Variants in CRNKL1 observed in about 807,000 individuals in gnomAD.
CRNKL1 encodes crooked neck pre-mRNA splicing factor 1, also known as crooked neck-like protein 1.
In CRNKL1, 35 loss-of-function variants were observed where a neutral mutation model predicts 103.7. The observed-to-expected ratio is 0.34, with a 90% CI of 0.26 to 0.45. The LOEUF is 0.45. Among genes scored for constraint, CRNKL1 ranks in the 20% least tolerant of loss-of-function variants. CRNKL1 has a pLI of 1.00. For synonymous variants in CRNKL1, 267 were observed against 282.6 expected (o/e 0.94, Z 0.55); for missense variants, 645 against 836.0 (o/e 0.77, Z 2.82).
chr20:20,054,414 T>TATAC (rs1555826447), upstream of CRNKL1, among the ~76,000 whole-genome samples: 5 of 151,478 alleles, frequency 3.3e-5, no homozygotes, highest in South Asian at 4.2e-4. Context: ...TATATATATA[T>TATAC]ACACACACAC....
rs2043781232 is a variant in CRNKL1, at chr20:20,052,295, G to C, written c.48C>G (p.Ala16=). 6.2e-7 allele frequency: 1 copy of C among 1,609,528 alleles called. No individual in the cohort carries two copies. The highest frequency in any genetic ancestry group is 2.2e-5 in the East Asian group (1 of 44,840). The part of the protein sequence containing the change: ...AAGKQRIPKV[A]KVKNKAPAEV... ...AAGGCCCCTCGCGATCGCCTACCTTGGCCACTTTGGGAATCCGCTGCTTCC... is the reference window on the plus strand; with the variant it reads ...AAGGCCCCTCGCGATCGCCTACCTTCGCCACTTTGGGAATCCGCTGCTTCC... The change falls in exon 1 of 14, where the codon GCC becomes GCG. Residue 16 remains alanine, a synonymous_variant. Transcript: ENST00000536226.
chr20:20,040,552 A>G, intron 10 of CRNKL1, 134 bp downstream of exon 10: 1 of 690,370 alleles, frequency 1.4e-6, no homozygotes, highest in Non-Finnish European at 2.5e-6. Flanking sequence ...CATGTTTTCT[A>G]ACATGTCCCA....
chr20:20,049,962 C>A (rs1432820454), intron 2 of CRNKL1, among the ~76,000 whole-genome samples: 1 of 152,112 alleles, frequency 6.6e-6, no homozygotes, highest in Non-Finnish European at 1.5e-5. Flanking sequence ...GGATTACAGG[C>A]ACCTGCCACC....
Position 20,034,887 on chromosome 20 carries a change from A to C in CRNKL1, c.*1308T>G, listed in dbSNP as rs558607057. On this transcript the variant is annotated 3_prime_UTR_variant, in exon 14 of 14. Transcript: ENST00000536226. ...AATAAGATGTGCACATTTAATAATA[A>C]ATTTGCTTACTAAAGGTCCTTTTAG... The C allele has an allele frequency of 3.9e-5, 6 of 152,340 alleles. No homozygotes were observed. The East Asian group carries it at 1.2e-3, about 29-fold the overall frequency. The allele number at this position is 152,340 out of a possible 1,614,324, so 9.4% of individuals were successfully genotyped here.
chr20:20,051,281 C>A (rs997598045), intron 1 of CRNKL1, among the ~76,000 whole-genome samples: 1 of 151,742 alleles, frequency 6.6e-6, no homozygotes, highest in Admixed American at 6.6e-5. Flanking sequence ...TTTTTTATAC[C>A]GATTACATGT....
At chr20:20,055,247 T>A (rs778616858), upstream of CRNKL1, among the ~76,000 whole-genome samples, 4 of 152,210 alleles carry the variant, frequency 2.6e-5, no homozygotes, top group Non-Finnish European at 5.9e-5. Context: ...TTTCAGAGTC[T>A]ATCATCTAAA....
chr20:20,050,436 A>T, intron 2 of CRNKL1, 34 bp downstream of exon 2: 3 of 1,597,064 alleles, frequency 1.9e-6, no homozygotes, highest in Non-Finnish European at 2.6e-6. Context: ...CAGTCTTAAC[A>T]ATTAGTGGAC....
chr20:20,041,062 C>G lies in CRNKL1; in HGVS notation c.1225-296G>C, dbSNP rs115896473. On this transcript the variant is annotated intron_variant, in intron 9 of 13. Coordinates refer to ENST00000536226, the MANE Select transcript of CRNKL1 (RefSeq NM_001278628.2). ...ATGGCACGGTAGCCTCTGCTCAGAA[C>G]AGACTTTGTTTTGTAGGCATGCTTG... is the stretch of plus-strand genomic sequence containing the variant. Among the ~76,000 whole-genome samples, 145 of 152,342 alleles carry G rather than the reference C, an allele frequency of 9.5e-4. 1 individual carries two copies. The highest frequency in any genetic ancestry group is 3.3e-3 in the African/African-American group (137 of 41,586).
chr20:20,052,022 G>C (rs1165041755), intron 1 of CRNKL1, among the ~76,000 whole-genome samples: 1 of 152,018 alleles, frequency 6.6e-6, no homozygotes, highest in Non-Finnish European at 1.5e-5. Context: ...GCTTCCCAGC[G>C]CCCAGTGCAG....
At position 20,036,250 on chromosome 20, in the gene CRNKL1, T is replaced by A; in HGVS notation, c.2009A>T (p.Glu670Val). Residue 670 changes from glutamate (E) to valine (V), a missense_variant, in exon 14 of 14, where the codon GAA (glutamate) becomes GTA (valine). Physicochemically the swap from Glu to Val is moderately radical, Grantham distance 121. Around this residue, in one of 2 missense-constraint regions of CRNKL1, gnomAD observed 582 missense variants for 707.7 expected, o/e 0.82. Coordinates refer to ENST00000536226, the MANE Select transcript of CRNKL1 (RefSeq NM_001278628.2). ...MAKLWKKQQQEKEDAEHHPDE... is the reference protein window; with the variant it reads ...MAKLWKKQQQVKEDAEHHPDE... Reference sequence around the variant, plus strand: ...TGGATGGTGCTCAGCATCCTCCTTTTCCTGCTGCTGTTTCTTCCACAGTTT... The same window carrying A: ...TGGATGGTGCTCAGCATCCTCCTTTACCTGCTGCTGTTTCTTCCACAGTTT... 1 of 1,614,248 alleles carries A rather than the reference T, an allele frequency of 6.2e-7. No homozygotes were observed. The highest frequency in any genetic ancestry group is 1.1e-5 in the South Asian group (1 of 91,090).
intron 4 of CRNKL1, among the ~76,000 whole-genome samples, 177 bp downstream of exon 4, chr20:20,048,166 T>A (rs1177412791): frequency 6.6e-6 from 1 of 152,250 alleles, no homozygotes; most frequent in African/African-American, 2.4e-5. Flanking sequence ...TAGTTTTGAT[T>A]ACATAGCTAT....
chr20:20,038,260 ACCCAAACACTT>A, intron 12 of CRNKL1, 78 bp downstream of exon 12: 1 of 806,822 alleles, frequency 1.2e-6, no homozygotes, highest in Non-Finnish European at 2.0e-6. Context: ...AAAAACAAAA[ACCCAAACACTT>A]AAAATACAGA....
In CRNKL1 at chr20:20,039,846, T is replaced by C. The variant is rs3748490; in HGVS notation, c.1308A>G (p.Gly436=). ...TCTTTGGACATTTGCCTATGGAAGT[T>C]CCCTGGAAAATAAAATAACCAGACC... ...KNLSLARRAL[G]TSIGKCPKNK... Residue 436 remains glycine (G), a splice_region_variant and synonymous_variant, in exon 11 of 14, where the codon GGA becomes GGG. Transcript: ENST00000536226. The C allele has an allele frequency of 1.3e-4, 208 of 1,613,170 alleles. 1 individual carries two copies. In the East Asian group the frequency reaches 4.6e-3, roughly 35 times the overall value.
At chr20:20,041,839 C>A (rs939971788) in intron 8 of CRNKL1, among the ~76,000 whole-genome samples, 3 of 152,206 alleles carry the variant, frequency 2.0e-5, no homozygotes, top group Non-Finnish European at 4.4e-5. Context: ...CACCAAACTT[C>A]TAAGCCCTTC....
chr20:20,045,263 CT>C lies in CRNKL1; in HGVS notation c.801+44del, dbSNP rs2043576664. ...GAACTCACCATGCACAAAATGTAAT[CT>C]TTGCTAAGCTGTTTTACAGTATAAT... On this transcript the variant is annotated intron_variant, in intron 6 of 13. Transcript: ENST00000536226. The C allele has an allele frequency of 2.5e-5, 36 of 1,467,886 alleles. No homozygotes were observed. In the East Asian group the frequency reaches 8.5e-4, roughly 35 times the overall value. 90.9% of individuals were successfully genotyped at this position (1,467,886 alleles called of 1,614,324 possible). A position where few individuals can be genotyped will look rare whatever the true frequency, so the allele number is the denominator to read the frequency against.
intron 5 of CRNKL1, among the ~76,000 whole-genome samples, chr20:20,046,543 T>C (rs2043596885): frequency 6.6e-6 from 1 of 152,204 alleles, no homozygotes; most frequent in East Asian, 1.9e-4. Flanking sequence ...GAACCACTGC[T>C]CCTAGGAGAA....
upstream of CRNKL1, among the ~76,000 whole-genome samples, chr20:20,055,537 C>T (rs1255999909): frequency 6.6e-6 from 1 of 152,184 alleles, no homozygotes; most frequent in African/African-American, 2.4e-5. Context: ...GTCAGATCGG[C>T]TCACATCATT....
chr20:20,048,417 C>G lies in CRNKL1; in HGVS notation c.381G>C (p.Lys127Asn). 1 of 1,614,158 alleles carries G rather than the reference C, an allele frequency of 6.2e-7. No homozygotes were observed. The highest frequency in any genetic ancestry group is 8.5e-7 in the Non-Finnish European group (1 of 1,180,036). The change falls in exon 4 of 14, where the codon AAG (lysine) becomes AAC (asparagine). Residue 127 changes from lysine (K) to asparagine (N), a missense_variant. Transcript: ENST00000536226. ...LWLKYAEMEM[K>N]NRQVNHARNI... is the part of the protein sequence containing the mutation. ...TTCGAGCATGGTTGACTTGGCGATTCTTCATTTCCATTTCTGCGTATTTCA... is the reference window on the plus strand; with the variant it reads ...TTCGAGCATGGTTGACTTGGCGATTGTTCATTTCCATTTCTGCGTATTTCA...
chr20:20,052,490 C>T (rs867115962), upstream of CRNKL1: 2 of 1,614,262 alleles, frequency 1.2e-6, no homozygotes, highest in Middle Eastern at 1.6e-4. Context: ...TTTGACCTCT[C>T]GCTTGAGCCG....
Sources: gnomAD v4.1 joint callset for allele counts (sites outside exome capture counted in the v4.1 genomes callset) on GRCh38, gnomAD v4.1.1 for gene constraint, gnomAD v4.1.1 regional missense constraint, MANE v1.5 for transcripts, NCBI Gene and HGNC (gene_info 2026-07-23, HGNC 2026-07-21) for gene names.